CSMD2: variants seen among roughly 807,000 people sequenced by gnomAD.
CSMD2 encodes CUB and Sushi multiple domains 2.
In CSMD2, 130 loss-of-function variants were observed where a neutral mutation model predicts 398.5. The ratio of observed to expected loss-of-function variants is 0.33; its 90% CI spans 0.28 to 0.38. The LOEUF is 0.38. CSMD2 is among the 10% of genes least tolerant of loss of function. CSMD2 has a pLI of 1.00. For synonymous variants in CSMD2, 1,828 were observed against 1,908.5 expected, an observed-to-expected ratio of 0.96 and a Z score of 1.10; for missense variants, 3,829 against 4,764.9, an observed-to-expected ratio of 0.80 and a Z score of 5.78.
chr1:34,082,250 G>A (rs1318287670), intron 2 of CSMD2, among the ~76,000 whole-genome samples: 151 of 146,748 alleles, frequency 1.0e-3, no homozygotes, highest in Non-Finnish European at 1.5e-3. Context: ...CCGCGACCCC[G>A]TCTGGGAACT....
chr1:33,576,359 G>C (rs1660073723), intron 49 of CSMD2, among the ~76,000 whole-genome samples: 1 of 152,178 alleles, frequency 6.6e-6, no homozygotes, highest in Non-Finnish European at 1.5e-5. Context: ...GGGAGACCGA[G>C]GTGGGCGGAT....
chr1:33,783,432 TC>T (rs2149356215), intron 12 of CSMD2, among the ~76,000 whole-genome samples: 2 of 3,582 alleles, frequency 5.6e-4, no homozygotes, highest in East Asian at 7.0e-3. Flanking sequence ...ATTCTCTCAT[TC>T]TCTCTCTCTC....
intron 2 of CSMD2, among the ~76,000 whole-genome samples, chr1:34,053,901 TG>T (rs1653514453): frequency 6.6e-6 from 1 of 152,174 alleles, no homozygotes; most frequent in Non-Finnish European, 1.5e-5. Context: ...AGTTGTCAAC[TG>T]GGAATAGGGC....
At chr1:34,108,408 T>G (rs1660731912) in intron 1 of CSMD2, among the ~76,000 whole-genome samples, 1 of 152,156 alleles carries the variant, frequency 6.6e-6, no homozygotes, top group Non-Finnish European at 1.5e-5. Context: ...CCCCTGCCCC[T>G]CTATCTATGG....
chr1:34,106,933 C>G (rs1482544498), intron 1 of CSMD2, among the ~76,000 whole-genome samples: 1 of 152,338 alleles, frequency 6.6e-6, no homozygotes, highest in Non-Finnish European at 1.5e-5. Context: ...CATGGTGATA[C>G]AGATGCAGTT....
At chr1:33,591,230 C>T (rs998107920) in intron 44 of CSMD2, among the ~76,000 whole-genome samples, 6 of 152,192 alleles carry the variant, frequency 3.9e-5, no homozygotes, top group African/African-American at 9.6e-5. Context: ...TCAGGTGATC[C>T]GCCCACCTTG....
At chr1:33,988,716 GA>G (rs140280342) in intron 3 of CSMD2, among the ~76,000 whole-genome samples, 3,329 of 148,102 alleles carry the variant, frequency 0.022, 122 homozygotes, top group African/African-American at 0.077. Context: ...CTTGTTGATG[GA>G]AAAAAAAAAT....
chr1:33,873,065 T>C (rs1395504770), intron 5 of CSMD2, among the ~76,000 whole-genome samples: 1 of 152,234 alleles, frequency 6.6e-6, no homozygotes, highest in Non-Finnish European at 1.5e-5. Flanking sequence ...GGCAGATAAT[T>C]TATCTCCTTA....
At chr1:33,538,879 A>G (rs1160412927) in intron 60 of CSMD2, among the ~76,000 whole-genome samples, 7 of 152,234 alleles carry the variant, frequency 4.6e-5, no homozygotes, top group Non-Finnish European at 1.5e-5. Flanking sequence ...AGTTTCTAGA[A>G]GACAGTTTGA....
chr1:33,948,740 T>A (rs1323350431), intron 3 of CSMD2, among the ~76,000 whole-genome samples: 1 of 152,190 alleles, frequency 6.6e-6, no homozygotes, highest in African/African-American at 2.4e-5. Context: ...CACACACTCA[T>A]GGGGCCTGCC....
rs532363713 is a variant in CSMD2 at position 33,824,836 on chromosome 1, G to C, written c.1111+861C>G. Among the ~76,000 whole-genome samples, 11 of 152,178 alleles carry C rather than the reference G, an allele frequency of 7.2e-5. No homozygotes were observed. The East Asian group carries it at 1.9e-3, about 27-fold the overall frequency. On this transcript the variant is annotated intron_variant, in intron 7 of 70. Coordinates refer to ENST00000373381, the MANE Select transcript of CSMD2 (RefSeq NM_001281956.2). Reference sequence around the variant, plus strand: ...GAGATGCAGGAGAAGGGCAAAGGGAGGGAAGGAGAAGGAAAACCAGGTCAG... The same window carrying C: ...GAGATGCAGGAGAAGGGCAAAGGGACGGAAGGAGAAGGAAAACCAGGTCAG...
intron 70 of CSMD2, among the ~76,000 whole-genome samples, chr1:33,517,048 C>CA (rs1048333420): frequency 6.6e-6 from 1 of 152,080 alleles, no homozygotes; most frequent in African/African-American, 2.4e-5. Context: ...AACATCATCA[C>CA]ACAGCCCTGT....
chr1:33,612,682 GTT>G (rs36051513), intron 40 of CSMD2, among the ~76,000 whole-genome samples: 122 of 132,108 alleles, frequency 9.2e-4, no homozygotes, highest in South Asian at 5.1e-3. Flanking sequence ...TTTTGTGATG[GTT>G]TTTTTTTTTT....
intron 1 of CSMD2, among the ~76,000 whole-genome samples, chr1:34,095,781 C>CA: frequency 6.6e-6 from 1 of 150,464 alleles, no homozygotes; most frequent in Non-Finnish European, 1.5e-5. Context: ...GCTTACCAAC[C>CA]AAAAAGAGTC....
chr1:33,686,669 A>C (rs528544791), intron 25 of CSMD2, among the ~76,000 whole-genome samples: 1 of 152,274 alleles, frequency 6.6e-6, no homozygotes, highest in East Asian at 1.9e-4. Flanking sequence ...AAACCTGGCT[A>C]CAGATCCCTC....
chr1:33,618,282 C>T (rs961707887), intron 37 of CSMD2, among the ~76,000 whole-genome samples: 11 of 152,070 alleles, frequency 7.2e-5, no homozygotes, highest in Admixed American at 3.3e-4. Context: ...GCACTGGCCC[C>T]GCTAAAACCC....
intron 3 of CSMD2, among the ~76,000 whole-genome samples, chr1:33,987,437 C>T (rs931539223): frequency 9.9e-5 from 15 of 152,254 alleles, no homozygotes; most frequent in African/African-American, 2.9e-4. Context: ...TCACCCTGCT[C>T]GCAAGTGCTA....
At chr1:33,790,570 C>G (rs1364063629) in intron 11 of CSMD2, among the ~76,000 whole-genome samples, 1 of 152,160 alleles carries the variant, frequency 6.6e-6, no homozygotes, top group South Asian at 2.1e-4. Flanking sequence ...AGCTTCTTAA[C>G]TCACCTGGAA....
intron 14 of CSMD2, among the ~76,000 whole-genome samples, chr1:33,741,195 G>A (rs928503987): frequency 1.3e-5 from 2 of 152,108 alleles, no homozygotes. Flanking sequence ...CAGATTTCAA[G>A]TCAACATAAG....
Sources: allele counts gnomAD v4.1 joint callset (sites outside exome capture counted in the v4.1 genomes callset), GRCh38; gene constraint gnomAD v4.1.1; transcripts MANE v1.5; gene names NCBI Gene and HGNC (gene_info 2026-07-23, HGNC 2026-07-21).